The following SNAP91 variants were observed in gnomAD, a reference collection of about 807,000 sequenced individuals.
The protein encoded by SNAP91 is clathrin coat assembly protein AP180.
SNAP91 carries 27 observed loss-of-function variants against 100.3 expected under a neutral mutation model. The observed-to-expected ratio is 0.27, with a 90% CI of 0.20 to 0.37. The LOEUF is 0.37. Among genes scored for constraint, SNAP91 ranks in the 10% least tolerant of loss-of-function variants. The pLI is 1.00. For synonymous variants in SNAP91, 404 were observed against 398.6 expected, an observed-to-expected ratio of 1.01 and a Z score of -0.16; for missense variants, 986 against 1,123.7, an observed-to-expected ratio of 0.88 and a Z score of 1.75.
intron 8 of SNAP91, among the ~76,000 whole-genome samples, chr6:83,638,995 A>G (rs1227527193): frequency 6.6e-6 from 1 of 152,234 alleles, no homozygotes; most frequent in Non-Finnish European, 1.5e-5. Flanking sequence ...TCAGATAAGA[A>G]TATAAGGCAT....
chr6:83,704,828 T>C (rs1588315585), intron 2 of SNAP91, among the ~76,000 whole-genome samples: 1 of 152,222 alleles, frequency 6.6e-6, no homozygotes, highest in African/African-American at 2.4e-5. Flanking sequence ...CTATATTTTG[T>C]GCTCTTTTTC....
intron 10 of SNAP91, 115 bp downstream of exon 10, chr6:83,616,854 T>A (rs1478114100): frequency 4.5e-6 from 3 of 666,848 alleles, no homozygotes; most frequent in Non-Finnish European, 7.2e-6. Flanking sequence ...CAGAAAATTA[T>A]AACAAAGCAT....
chr6:83,586,472 GGA>G (rs2092655988), intron 22 of SNAP91, among the ~76,000 whole-genome samples: 1 of 152,138 alleles, frequency 6.6e-6, no homozygotes, highest in South Asian at 2.1e-4. Context: ...TGTCTATGAT[GGA>G]AAAACATGGT....
chr6:83,577,721 A>G (rs1301429430), intron 24 of SNAP91, among the ~76,000 whole-genome samples: 3 of 152,168 alleles, frequency 2.0e-5, no homozygotes. Context: ...AATGTTTTAT[A>G]AAAACATTTT....
chr6:83,583,075 C>T (rs1830665106), intron 22 of SNAP91, among the ~76,000 whole-genome samples: 1 of 152,190 alleles, frequency 6.6e-6, no homozygotes, highest in African/African-American at 2.4e-5. Context: ...CCTTCTGTCT[C>T]TACTCACTGG....
intron 2 of SNAP91, chr6:83,678,696 C>T: frequency 8.3e-7 from 1 of 1,200,998 alleles, no homozygotes; most frequent in Non-Finnish European, 1.1e-6. Flanking sequence ...TTCTACCTTC[C>T]ACTCCTGCTC....
At chr6:83,610,026 G>C (rs566003666) in intron 12 of SNAP91, among the ~76,000 whole-genome samples, 3 of 151,946 alleles carry the variant, frequency 2.0e-5, no homozygotes, top group Non-Finnish European at 4.4e-5. Flanking sequence ...ATACAAAGGA[G>C]GATACATAAA....
intron 2 of SNAP91, among the ~76,000 whole-genome samples, chr6:83,700,642 A>G (rs2099280276): frequency 1.3e-5 from 2 of 151,988 alleles, no homozygotes; most frequent in South Asian, 4.1e-4. Flanking sequence ...TTTGTTTTAG[A>G]CAGGGTCTTG....
chr6:83,698,658 T>A (rs1588085345), intron 2 of SNAP91, among the ~76,000 whole-genome samples: 2 of 152,274 alleles, frequency 1.3e-5, no homozygotes. Context: ...GAAAAAAATA[T>A]CTGGGGCATT....
intron 8 of SNAP91, among the ~76,000 whole-genome samples, chr6:83,626,453 G>C (rs569112720): frequency 6.6e-6 from 1 of 152,072 alleles, no homozygotes; most frequent in East Asian, 1.9e-4. Flanking sequence ...TTGGGCAGTA[G>C]AGCCATTTTA....
chr6:83,669,239 T>A (rs1378892327), intron 2 of SNAP91, among the ~76,000 whole-genome samples: 1 of 152,024 alleles, frequency 6.6e-6, no homozygotes, highest in Admixed American at 6.6e-5. Flanking sequence ...CCATAGTCAT[T>A]GCTTCAAATG....
At chr6:83,589,274 A>T (rs2093369961) in intron 22 of SNAP91, among the ~76,000 whole-genome samples, 1 of 152,206 alleles carries the variant, frequency 6.6e-6, no homozygotes, top group Non-Finnish European at 1.5e-5. Flanking sequence ...AAGCCAGGCA[A>T]ACTAGCAGTT....
At chr6:83,684,776 T>TA (rs1327578037) in intron 2 of SNAP91, among the ~76,000 whole-genome samples, 9 of 152,296 alleles carry the variant, frequency 5.9e-5, no homozygotes, top group East Asian at 1.9e-4. Context: ...TGTTATTTTT[T>TA]AAAAAATCAG....
chr6:83,654,853 G>A (rs1218003565), intron 7 of SNAP91, among the ~76,000 whole-genome samples: 1 of 152,156 alleles, frequency 6.6e-6, no homozygotes, highest in African/African-American at 2.4e-5. Context: ...GAAAATCAAT[G>A]TAGCTCCTGG....
chr6:83,593,425 C>A, intron 18 of SNAP91, 53 bp downstream of exon 18: 1 of 1,539,896 alleles, frequency 6.5e-7, no homozygotes, highest in South Asian at 1.2e-5. Context: ...TCTCAAGGAT[C>A]AGAATTCAAT....
chr6:83,708,388 C>A (rs1470327896), intron 1 of SNAP91: 2 of 158,632 alleles, frequency 1.3e-5, no homozygotes, highest in Admixed American at 6.5e-5. Context: ...TCCTAGCAGC[C>A]CGCAGGCTTC....
At chr6:83,582,419 C>T (rs1829795214) in intron 22 of SNAP91, 63 bp from the exon 23 acceptor site, 1 of 1,505,680 alleles carries the variant, frequency 6.6e-7, no homozygotes, top group Non-Finnish European at 8.9e-7. Context: ...GCCATAAAAA[C>T]TGAATTTAAA....
intron 24 of SNAP91, 62 bp from the exon 25 acceptor site, chr6:83,576,115 T>A (rs182551362): frequency 1.5e-5 from 13 of 846,046 alleles, no homozygotes; most frequent in African/African-American, 1.1e-4. Flanking sequence ...TGATATGACA[T>A]TTAAAAGATC....
At position 83,601,595 on chromosome 6, in the gene SNAP91, A is replaced by C. The variant is rs2095233580; in HGVS notation, c.1146T>G (p.Leu382=). Residue 382 remains leucine (L), a synonymous_variant, in exon 15 of 30, where the codon CTT becomes CTG. Transcript: ENST00000369694. ...CAAAGCTTTACTCACCCTCTCCCAA[A>C]AGGTCTACCGATGTCCATTACATGG... is the stretch of plus-strand genomic sequence containing the variant. The part of the protein sequence containing the change: ...PAGGATAWGD[L]LGEDSLAALS... 6.2e-7 allele frequency: 1 copy of C among 1,613,574 alleles called. No individual in the cohort carries two copies. The highest frequency in any genetic ancestry group is 8.5e-7 in the Non-Finnish European group (1 of 1,179,568).
Sources: gnomAD v4.1 joint callset for allele counts (sites outside exome capture counted in the v4.1 genomes callset) on GRCh38, gnomAD v4.1.1 for gene constraint, MANE v1.5 for transcripts, NCBI Gene and HGNC (gene_info 2026-07-23, HGNC 2026-07-21) for gene names.